The following ACACB variants were observed in gnomAD, a reference collection of about 807,000 sequenced individuals.
The protein encoded by ACACB is acetyl-CoA carboxylase 2.
Under a neutral mutation model 278.8 loss-of-function variants are expected in ACACB, and 209 were observed. That is an observed-to-expected ratio of 0.75 (90% CI 0.67 to 0.84). The LOEUF (loss-of-function observed/expected upper bound fraction) is 0.84, where lower values mean the gene tolerates loss of function less well. Among genes scored for constraint, ACACB ranks in the 40% least tolerant of loss-of-function variants. The pLI is 0.00. For missense variants in ACACB, 2,850 were observed against 3,269.0 expected, an observed-to-expected ratio of 0.87 and a Z score of 3.13; for synonymous variants, 1,174 against 1,285.6, an observed-to-expected ratio of 0.91 and a Z score of 1.86.
chr12:109,238,090 G>T (rs989679704), intron 34 of ACACB, among the ~76,000 whole-genome samples: 4 of 150,494 alleles, frequency 2.7e-5, no homozygotes, highest in Non-Finnish European at 4.4e-5. Flanking sequence ...GACTGAAAAC[G>T]ATTTTTAAGA....
At chr12:109,208,619 C>T (rs780112090) in intron 20 of ACACB, among the ~76,000 whole-genome samples, 1 of 152,140 alleles carries the variant, frequency 6.6e-6, no homozygotes, top group Non-Finnish European at 1.5e-5. Flanking sequence ...ATCCAAAGAC[C>T]ATCAGCATTG....
chr12:109,237,123 G>A (rs368909754), intron 33 of ACACB, 42 bp from the exon 34 acceptor site: 1 of 1,602,528 alleles, frequency 6.2e-7, no homozygotes, highest in South Asian at 1.1e-5. Context: ...ACGTCACGCT[G>A]TGTGTGTATG....
At chr12:109,163,473 G>C (rs2043801113) in intron 2 of ACACB, among the ~76,000 whole-genome samples, 1 of 152,102 alleles carries the variant, frequency 6.6e-6, no homozygotes, top group Non-Finnish European at 1.5e-5. Flanking sequence ...TGAATGTTTA[G>C]AAGATGAGGC....
chr12:109,114,423 C>A (rs1224054275), upstream of ACACB, among the ~76,000 whole-genome samples: 1 of 152,106 alleles, frequency 6.6e-6, no homozygotes, highest in Non-Finnish European at 1.5e-5. Context: ...AAGCCAGACC[C>A]CATCCCTGGA....
intron 1 of ACACB, among the ~76,000 whole-genome samples, chr12:109,136,176 A>T (rs2042963011): frequency 6.6e-6 from 1 of 152,142 alleles, no homozygotes; most frequent in East Asian, 1.9e-4. Flanking sequence ...TTGACCATAG[A>T]TGTATAGGTT....
chr12:109,246,314 G>C lies in ACACB; in HGVS notation c.5437G>C (p.Ala1813Pro). The C allele has an allele frequency of 2.5e-6, 4 of 1,612,684 alleles. No individual in the cohort carries two copies. Among genetic ancestry groups the C allele is most frequent in the Non-Finnish European group, 3.4e-6 (4 of 1,179,760 alleles). Reference sequence around the variant, plus strand: ...TGGAGAGGACCTTCTGTACCTGCGGGCATCCGAGATGGCCCGGGCAGAGGG... The same window carrying C: ...TGGAGAGGACCTTCTGTACCTGCGGCCATCCGAGATGGCCCGGGCAGAGGG... ...GPGEDLLYLR[A>P]SEMARAEGIP... Residue 1813 changes from alanine to proline, a missense_variant, in exon 39 of 53, where the codon GCA (alanine) becomes CCA (proline). By Grantham distance (27) the Ala-to-Pro change is conservative (BLOSUM62 -1). Transcript: ENST00000338432.
At chr12:109,210,263 A>G (rs1205638342) in intron 21 of ACACB, among the ~76,000 whole-genome samples, 1 of 62,904 alleles carries the variant, frequency 1.6e-5, no homozygotes, top group Non-Finnish European at 2.9e-5. Flanking sequence ...ACATGTGTGT[A>G]TATGTACATA....
intron 2 of ACACB, among the ~76,000 whole-genome samples, chr12:109,165,643 T>G (rs2043872454): frequency 6.6e-6 from 1 of 152,232 alleles, no homozygotes; most frequent in South Asian, 2.1e-4. Context: ...AGCTCTCATA[T>G]GTGAATAATG....
intron 19 of ACACB, among the ~76,000 whole-genome samples, chr12:109,202,883 C>T (rs1384475289): frequency 6.6e-6 from 1 of 152,102 alleles, no homozygotes; most frequent in African/African-American, 2.4e-5. Flanking sequence ...ACAAAATTTA[C>T]CATCTTAGCC....
chr12:109,203,149 A>G (rs1375926662), intron 19 of ACACB, among the ~76,000 whole-genome samples: 1 of 152,168 alleles, frequency 6.6e-6, no homozygotes, highest in East Asian at 1.9e-4. Flanking sequence ...ATTTAGCGTA[A>G]CGTCTCCAAG....
At chr12:109,175,282 T>C (rs1179237211) in intron 7 of ACACB, among the ~76,000 whole-genome samples, 1 of 152,196 alleles carries the variant, frequency 6.6e-6, no homozygotes, top group Non-Finnish European at 1.5e-5. Context: ...TTGCTTTCAT[T>C]TGTTAAATCT....
chr12:109,158,529 A>C (rs2043617017), intron 2 of ACACB, among the ~76,000 whole-genome samples: 1 of 152,160 alleles, frequency 6.6e-6, no homozygotes, highest in African/African-American at 2.4e-5. Flanking sequence ...TAAACCAATT[A>C]GTTGGGCATG....
At chr12:109,192,073 G>C (rs2044913004) in intron 15 of ACACB, 123 bp downstream of exon 15, 1 of 1,013,890 alleles carries the variant, frequency 9.9e-7, no homozygotes, top group Non-Finnish European at 1.5e-6. Flanking sequence ...CTCTCCTCCG[G>C]TCTTGCCTCT....
rs1388675910 is a variant in ACACB, at chr12:109,176,809, GT to G, written c.1437+549del. 4.6e-5 allele frequency among the ~76,000 whole-genome samples: 7 copies of G among 152,240 alleles called. No individual in the cohort carries two copies. The South Asian group carries it at 1.0e-3, about 23-fold the overall frequency. ...TTTTTGTCTTTTTAGTAGAGACAGA[GT>G]TTCACCATGTTGGCTGGGCTGGTCT... is the stretch of plus-strand genomic sequence containing the variant. On this transcript the variant is annotated intron_variant, in intron 9 of 52. Transcript: ENST00000338432.
chr12:109,225,289 G>C (rs2046283925), intron 27 of ACACB, among the ~76,000 whole-genome samples: 1 of 152,228 alleles, frequency 6.6e-6, no homozygotes, highest in Non-Finnish European at 1.5e-5. Flanking sequence ...CACCATGCTT[G>C]ACTTACAGTT....
At chr12:109,253,694 G>C (rs1043448312) in intron 43 of ACACB, among the ~76,000 whole-genome samples, 5 of 152,150 alleles carry the variant, frequency 3.3e-5, no homozygotes, top group African/African-American at 1.2e-4. Flanking sequence ...TTGGTTAACT[G>C]TAACATTCCT....
At chr12:109,235,234 C>T (rs1300785879) in intron 31 of ACACB, 79 bp from the exon 32 acceptor site, 8 of 1,184,214 alleles carry the variant, frequency 6.8e-6, no homozygotes, top group Admixed American at 1.7e-5. Context: ...CAGGTTCATC[C>T]GTGTGGTAAC....
chr12:109,241,323 A>C, intron 36 of ACACB, 42 bp downstream of exon 36: 1 of 1,577,074 alleles, frequency 6.3e-7, no homozygotes, highest in Non-Finnish European at 8.7e-7. Flanking sequence ...TCAAAGCAGA[A>C]GCAGGCTGCT....
rs768276485 is a variant in ACACB, at chr12:109,144,736, CTT to C, written c.653+4682_653+4683del. On this transcript the variant is annotated intron_variant, in intron 2 of 52. Coordinates refer to ENST00000338432, the MANE Select transcript of ACACB (RefSeq NM_001093.4). The stretch of plus-strand genomic sequence containing the variant: ...GGAGCTTCATAGTTTCTTTCTTTTT[CTT>C]TTTCTTTCTTTCTTTCTTTTTTTTT... Among the ~76,000 whole-genome samples, 376 of 115,028 alleles carry C rather than the reference CTT, an allele frequency of 3.3e-3. 1 individual carries two copies. Among genetic ancestry groups the C allele is most frequent in the Middle Eastern group, 8.5e-3 (2 of 234 alleles). The allele number at this position is 115,028 out of a possible 152,430, so 75.5% of individuals were successfully genotyped here.
Sources: gnomAD v4.1 joint callset for allele counts (sites outside exome capture counted in the v4.1 genomes callset) on GRCh38, gnomAD v4.1.1 for gene constraint, MANE v1.5 for transcripts, NCBI Gene and HGNC (gene_info 2026-07-23, HGNC 2026-07-21) for gene names.